The following FHIT variants were observed in gnomAD, a reference collection of about 807,000 sequenced individuals.
FHIT encodes the protein fragile histidine triad diadenosine triphosphatase.
Under a neutral mutation model 17.9 loss-of-function variants are expected in FHIT, and 19 were observed. The observed-to-expected ratio is 1.06, with a 90% confidence interval of 0.74 to 1.56. The LOEUF (loss-of-function observed/expected upper bound fraction) is 1.56. Among genes scored for constraint, FHIT ranks in the 40% most tolerant of loss-of-function variants. The probability of loss-of-function intolerance (pLI) is 0.00; values close to 1 mark genes in which losing one functional copy is unlikely to be tolerated. For synonymous variants in FHIT, 81 were observed against 69.7 expected (o/e 1.16, Z -0.81); for missense variants, 248 against 189.2 (o/e 1.31, Z -1.82).
chr3:59,959,883 T>C (rs1289317820), intron 7 of FHIT, among the ~76,000 whole-genome samples: 1 of 152,060 alleles, frequency 6.6e-6, no homozygotes, highest in Non-Finnish European at 1.5e-5. Context: ...TTGACATTAA[T>C]TAGGTGGAAG....
At chr3:60,805,161 C>G (rs1256645287) in intron 4 of FHIT, among the ~76,000 whole-genome samples, 1 of 152,086 alleles carries the variant, frequency 6.6e-6, no homozygotes, top group African/African-American at 2.4e-5. Context: ...GTTGCTTTGG[C>G]CCAAATTAAG....
chr3:60,317,379 C>T (rs1385524703), intron 5 of FHIT, among the ~76,000 whole-genome samples: 1 of 151,478 alleles, frequency 6.6e-6, no homozygotes, highest in Non-Finnish European at 1.5e-5. Flanking sequence ...AAAACAATCC[C>T]TTTACCAAAT....
intron 4 of FHIT, among the ~76,000 whole-genome samples, chr3:60,543,210 C>T (rs190550036): frequency 6.6e-6 from 1 of 152,150 alleles, no homozygotes; most frequent in African/African-American, 2.4e-5. Flanking sequence ...GTGGCTGTGC[C>T]CCAGTAAAAC....
chr3:60,246,455 G>A (rs191429679), intron 5 of FHIT, among the ~76,000 whole-genome samples: 3 of 152,174 alleles, frequency 2.0e-5, no homozygotes, highest in Non-Finnish European at 2.9e-5. Flanking sequence ...CAAATGTCCC[G>A]TGGATTTTAT....
At chr3:60,603,800 C>T (rs1364945535) in intron 4 of FHIT, among the ~76,000 whole-genome samples, 1 of 152,020 alleles carries the variant, frequency 6.6e-6, no homozygotes, top group African/African-American at 2.4e-5. Context: ...GTATCCAAGG[C>T]AATAACACTA....
At chr3:59,850,006 A>G (rs1353942448) in intron 8 of FHIT, among the ~76,000 whole-genome samples, 1 of 152,176 alleles carries the variant, frequency 6.6e-6, no homozygotes, top group Non-Finnish European at 1.5e-5. Context: ...TTTTCCATAC[A>G]ATTTTAATTA....
intron 5 of FHIT, among the ~76,000 whole-genome samples, chr3:60,075,599 C>G (rs1702970301): frequency 1.3e-5 from 2 of 152,078 alleles, no homozygotes; most frequent in African/African-American, 4.8e-5. Flanking sequence ...TTCTCAGTAA[C>G]TTTAATAGTC....
intron 5 of FHIT, among the ~76,000 whole-genome samples, chr3:60,421,596 G>C (rs1317557920): frequency 6.6e-6 from 1 of 151,668 alleles, no homozygotes; most frequent in Non-Finnish European, 1.5e-5. Flanking sequence ...TATTTTGTTA[G>C]GTATTCCATT....
intron 3 of FHIT, among the ~76,000 whole-genome samples, chr3:60,853,133 A>T (rs1703220312): frequency 6.6e-6 from 1 of 152,048 alleles, no homozygotes. Flanking sequence ...AGTTTTCCAG[A>T]GTTTTCCACA....
At chr3:59,789,130 T>A (rs930024397) in intron 8 of FHIT, among the ~76,000 whole-genome samples, 1 of 152,138 alleles carries the variant, frequency 6.6e-6, no homozygotes, top group Non-Finnish European at 1.5e-5. Context: ...CAACAATCTA[T>A]CATTTTGTAA....
intron 2 of FHIT, among the ~76,000 whole-genome samples, chr3:61,116,713 T>C (rs923330303): frequency 1.3e-5 from 2 of 152,148 alleles, no homozygotes; most frequent in African/African-American, 4.8e-5. Flanking sequence ...CAAAGCACCA[T>C]AATTTGAAGC....
chr3:60,712,030 C>T (rs2041548401), intron 4 of FHIT, among the ~76,000 whole-genome samples: 1 of 152,126 alleles, frequency 6.6e-6, no homozygotes, highest in African/African-American at 2.4e-5. Context: ...ACAGAAAGGT[C>T]GGGTTACCCA....
chr3:59,965,635 C>T (rs756396334), intron 7 of FHIT, among the ~76,000 whole-genome samples: 14 of 152,122 alleles, frequency 9.2e-5, no homozygotes, highest in Admixed American at 6.6e-4. Context: ...TAACCTAGCA[C>T]TGGAGTTTAG....
intron 7 of FHIT, among the ~76,000 whole-genome samples, chr3:59,979,044 T>C (rs2107421867): frequency 6.6e-6 from 1 of 152,242 alleles, no homozygotes; most frequent in African/African-American, 2.4e-5. Flanking sequence ...AAGCAAACCA[T>C]TCTGTGAAAT....
At chr3:60,033,094 G>T (rs1207411067) in intron 5 of FHIT, among the ~76,000 whole-genome samples, 1 of 152,104 alleles carries the variant, frequency 6.6e-6, no homozygotes, top group African/African-American at 2.4e-5. Flanking sequence ...CCTAATATAA[G>T]GTGTGGATCT....
At chr3:59,923,542 A>G (rs778510046) in intron 7 of FHIT, among the ~76,000 whole-genome samples, 2 of 152,158 alleles carry the variant, frequency 1.3e-5, no homozygotes. Flanking sequence ...TCAAAGCTAA[A>G]CTGCTATTTG....
At chr3:60,054,015 A>G (rs1233187580) in intron 5 of FHIT, among the ~76,000 whole-genome samples, 1 of 152,234 alleles carries the variant, frequency 6.6e-6, no homozygotes, top group Non-Finnish European at 1.5e-5. Context: ...ACTCTGGAAA[A>G]GAAAAATCAC....
At chr3:60,623,305 T>C (rs1553679463) in intron 4 of FHIT, among the ~76,000 whole-genome samples, 1 of 152,180 alleles carries the variant, frequency 6.6e-6, no homozygotes, top group African/African-American at 2.4e-5. Context: ...CTGTGCTACA[T>C]GGCATGCTCT....
At chr3:60,569,755 A>ATATATATATATATTTTT in intron 4 of FHIT, among the ~76,000 whole-genome samples, 62 of 77,324 alleles carry the variant, frequency 8.0e-4, no homozygotes, top group East Asian at 2.1e-3. Flanking sequence ...ATATATATAT[A>ATATATATATATATTTTT]TTTTTTTTTT....
Sources: gnomAD v4.1 joint callset for allele counts (sites outside exome capture counted in the v4.1 genomes callset) on GRCh38, gnomAD v4.1.1 for gene constraint, MANE v1.5 for transcripts, NCBI Gene and HGNC (gene_info 2026-07-23, HGNC 2026-07-21) for gene names.